CUBN: variants seen among roughly 807,000 people sequenced by gnomAD.
The protein encoded by CUBN is cubilin, also known as 460 kDa receptor.
In CUBN, 282 loss-of-function variants were observed where a neutral mutation model predicts 405.3. That is an observed-to-expected ratio of 0.70 (90% CI 0.63 to 0.77). The LOEUF (loss-of-function observed/expected upper bound fraction) is 0.77. CUBN is among the 30% of genes least tolerant of loss of function. CUBN has a pLI of 0.00. For missense variants in CUBN, 4,514 were observed against 4,475.2 expected (o/e 1.01, Z -0.25); for synonymous variants, 1,684 against 1,617.0 (o/e 1.04, Z -0.99).
intron 59 of CUBN, among the ~76,000 whole-genome samples, chr10:16,868,096 T>C (rs1840238969): frequency 6.6e-6 from 1 of 152,240 alleles, no homozygotes. Flanking sequence ...AATAGCCTTC[T>C]GGCTTTTGTA....
At chr10:16,886,555 C>CCTGCAT (rs1840820152) in intron 56 of CUBN, among the ~76,000 whole-genome samples, 2 of 151,368 alleles carry the variant, frequency 1.3e-5, no homozygotes, top group Middle Eastern at 3.5e-3. Flanking sequence ...TGTGTGAAAG[C>CCTGCAT]CTCCATTAAA....
At chr10:17,086,937 A>T (rs2131867073) in intron 15 of CUBN, among the ~76,000 whole-genome samples, 1 of 152,352 alleles carries the variant, frequency 6.6e-6, no homozygotes, top group Non-Finnish European at 1.5e-5. Flanking sequence ...GATGGAATTT[A>T]TTGAAAATTA....
chr10:17,124,483 C>G (rs1352158930), intron 4 of CUBN, among the ~76,000 whole-genome samples: 1 of 151,160 alleles, frequency 6.6e-6, no homozygotes, highest in East Asian at 1.9e-4. Context: ...GGCTGGAGTG[C>G]AGTGGCGCGA....
intron 54 of CUBN, among the ~76,000 whole-genome samples, chr10:16,891,965 T>C (rs1159410080): frequency 6.6e-6 from 1 of 152,194 alleles, no homozygotes; most frequent in African/African-American, 2.4e-5. Flanking sequence ...TGTATTAATC[T>C]TACTTGACTA....
At chr10:16,948,879 T>C (rs1004310591) in intron 34 of CUBN, among the ~76,000 whole-genome samples, 3 of 152,092 alleles carry the variant, frequency 2.0e-5, no homozygotes, top group African/African-American at 7.2e-5. Context: ...AAGGGACACA[T>C]GTACCTAAAG....
At chr10:16,841,149 T>C in intron 60 of CUBN, 102 bp from the exon 61 acceptor site, 1 of 920,146 alleles carries the variant, frequency 1.1e-6, no homozygotes, top group Non-Finnish European at 1.7e-6. Flanking sequence ...GTAAACATTT[T>C]TACATTGATT....
At chr10:16,989,881 G>A (rs1833531832) in intron 29 of CUBN, among the ~76,000 whole-genome samples, 1 of 152,214 alleles carries the variant, frequency 6.6e-6, no homozygotes. Context: ...TCCGCCACAC[G>A]AATGCTCTTT....
chr10:16,889,953 A>AAAAAAAAAAAAAAAATAAAAAAAG (rs57009841), intron 55 of CUBN, among the ~76,000 whole-genome samples: 1 of 118,014 alleles, frequency 8.5e-6, no homozygotes, highest in African/African-American at 4.2e-5. Flanking sequence ...AAAAAAAAAA[A>AAAAAAAAAAAAAAAATAAAAAAAG]CAGGAAAGAC....
rs1313371546 is a variant in CUBN, at chr10:16,824,498, T to A, written c.*477A>T. ...GCTATATTCTATGTTCGAGAAAATG[T>A]ACAAATATTGATTCTGGTTTTTTTT... On this transcript the variant is annotated 3_prime_UTR_variant, in exon 67 of 67. Coordinates refer to ENST00000377833, the MANE Select transcript of CUBN (RefSeq NM_001081.4). 1 of 169,626 alleles carries A rather than the reference T, an allele frequency of 5.9e-6. No homozygotes were observed. The highest frequency in any genetic ancestry group is 1.3e-5 in the Non-Finnish European group (1 of 77,278). 10.5% of individuals were successfully genotyped at this position (169,626 alleles called of 1,614,324 possible).
In CUBN at chr10:17,103,384, C is replaced by T. The variant is rs183594534; in HGVS notation, c.1418-147G>A. The T allele has an allele frequency of 1.7e-4, 116 of 670,648 alleles. 1 individual carries two copies. The Middle Eastern group carries it at 2.2e-3, about 13-fold the overall frequency. The allele number at this position is 670,648 out of a possible 1,614,324, so 41.5% of individuals were successfully genotyped here. The stretch of plus-strand genomic sequence containing the variant: ...CCCTGCCATTCCCTCTCCTCTGTGC[C>T]CTTTTTCTGTCAACTTCCATAGAAA... On this transcript the variant is annotated intron_variant, in intron 12 of 66. Transcript: ENST00000377833.
intron 65 of CUBN, among the ~76,000 whole-genome samples, chr10:16,831,008 A>T (rs527487463): frequency 6.6e-6 from 1 of 151,946 alleles, no homozygotes; most frequent in Admixed American, 6.6e-5. Context: ...AATCACTTGA[A>T]CCTGGGAGGT....
At chr10:17,034,754 A>G (rs1834859227) in intron 27 of CUBN, among the ~76,000 whole-genome samples, 3 of 152,174 alleles carry the variant, frequency 2.0e-5, no homozygotes, top group Admixed American at 2.0e-4. Context: ...ATCTATAAAC[A>G]CTAATGTACC....
chr10:17,103,838 G>A (rs144243436), intron 12 of CUBN, among the ~76,000 whole-genome samples: 11 of 152,262 alleles, frequency 7.2e-5, no homozygotes, highest in African/African-American at 2.4e-4. Flanking sequence ...GAGGTTTATC[G>A]GGAGAAACAT....
intron 27 of CUBN, among the ~76,000 whole-genome samples, chr10:17,025,681 C>G (rs1449009269): frequency 6.6e-6 from 1 of 152,130 alleles, no homozygotes. Context: ...AGAACAGGAG[C>G]TGACTCACAT....
intron 36 of CUBN, among the ~76,000 whole-genome samples, chr10:16,946,012 G>A (rs1041531846): frequency 6.6e-6 from 1 of 152,074 alleles, no homozygotes; most frequent in African/African-American, 2.4e-5. Flanking sequence ...AGCAAGTCTT[G>A]GAAGAAAAGT....
intron 30 of CUBN, among the ~76,000 whole-genome samples, chr10:16,983,436 A>C (rs2932894): frequency 0.76 from 115,622 of 152,166 alleles, 46,454 homozygotes; most frequent in Non-Finnish European, 0.9. Context: ...TTTGGGCAAG[A>C]CACTAACCTT....
chr10:17,084,546 CCA>C lies in CUBN; in HGVS notation c.2111-87_2111-86del, dbSNP rs45464996. 5,341 of 884,394 alleles carry C rather than the reference CCA, an allele frequency of 6.0e-3. 13 individuals carry two copies. Among genetic ancestry groups the C allele is most frequent in the Non-Finnish European group, 7.5e-3 (4,147 of 556,558 alleles). 54.8% of individuals were successfully genotyped at this position (884,394 alleles called of 1,614,324 possible). A position where few individuals can be genotyped will look rare whatever the true frequency, so the allele number is the denominator to read the frequency against. Reference sequence around the variant, plus strand: ...TTGGATCCAATTTCTAAAAATTTACCCACACACACACACACACAAGCACATAT... The same window carrying C: ...TTGGATCCAATTTCTAAAAATTTACCCACACACACACACACAAGCACATAT... On this transcript the variant is annotated intron_variant, in intron 16 of 66. Transcript: ENST00000377833.
chr10:16,864,705 GCTGGGCACAATC>G (rs1840118646), intron 59 of CUBN, among the ~76,000 whole-genome samples: 1 of 144,918 alleles, frequency 6.9e-6, no homozygotes. Context: ...TGTTCCTCAG[GCTGGGCACAATC>G]TTGGCTCACC....
chr10:17,081,693 T>C (rs1835972578), intron 17 of CUBN, among the ~76,000 whole-genome samples: 2 of 152,116 alleles, frequency 1.3e-5, no homozygotes, highest in African/African-American at 4.8e-5. Flanking sequence ...TCCCAATGGA[T>C]AGAGATGATT....
Sources: allele counts gnomAD v4.1 joint callset (sites outside exome capture counted in the v4.1 genomes callset), GRCh38; gene constraint gnomAD v4.1.1; transcripts MANE v1.5; gene names NCBI Gene and HGNC (gene_info 2026-07-23, HGNC 2026-07-21).